The following MAPK10 variants were observed in gnomAD, a reference collection of about 807,000 sequenced individuals.
The protein encoded by MAPK10 is mitogen-activated protein kinase 10, also known as JNK3 alpha protein kinase.
Under a neutral mutation model 59.3 loss-of-function variants are expected in MAPK10, and 25 were observed. The observed-to-expected ratio is 0.42, with a 90% CI of 0.31 to 0.59. MAPK10 has a LOEUF of 0.59. MAPK10 is among the 20% of genes least tolerant of loss of function. The pLI is 0.15. For missense variants in MAPK10, 351 were observed against 568.9 expected (o/e 0.62, Z 3.90); for synonymous variants, 190 against 200.5 (o/e 0.95, Z 0.44).
intron 1 of MAPK10, among the ~76,000 whole-genome samples, chr4:86,558,346 T>C (rs147330566): frequency 9.2e-5 from 14 of 152,296 alleles, no homozygotes; most frequent in Admixed American, 2.6e-4. Flanking sequence ...GGCTTTGTAC[T>C]TAGTATGCTG....
At chr4:86,382,195 C>A (rs1018972936) in intron 1 of MAPK10, among the ~76,000 whole-genome samples, 2 of 151,988 alleles carry the variant, frequency 1.3e-5, no homozygotes, top group African/African-American at 4.8e-5. Flanking sequence ...TGAGATACAA[C>A]CACCTGCTGT....
At chr4:86,471,929 T>A (rs1752690346) in intron 1 of MAPK10, among the ~76,000 whole-genome samples, 1 of 152,144 alleles carries the variant, frequency 6.6e-6, no homozygotes, top group Non-Finnish European at 1.5e-5. Context: ...TTACAGTCAT[T>A]TGCTTTTTAA....
chr4:86,146,606 T>A, intron 4 of MAPK10, among the ~76,000 whole-genome samples: 1 of 152,182 alleles, frequency 6.6e-6, no homozygotes, highest in Non-Finnish European at 1.5e-5. Context: ...CCCACAGAAG[T>A]AGCTCCATGC....
chr4:86,088,468 T>A (rs1047811423), intron 9 of MAPK10, among the ~76,000 whole-genome samples: 1 of 152,126 alleles, frequency 6.6e-6, no homozygotes, highest in Admixed American at 6.6e-5. Flanking sequence ...GTTACAGGCA[T>A]GAGCTACCAC....
chr4:86,383,268 G>C (rs1238263602), intron 1 of MAPK10, among the ~76,000 whole-genome samples: 4 of 152,098 alleles, frequency 2.6e-5, no homozygotes, highest in Non-Finnish European at 4.4e-5. Flanking sequence ...AGACTATGCA[G>C]CCCACAAGCA....
rs1028799563 is a variant in MAPK10 at position 86,011,793 on chromosome 4, A to G, written c.*5435T>C. 10 of 152,316 alleles carry G rather than the reference A, an allele frequency of 6.6e-5. No homozygotes were observed. The highest frequency in any genetic ancestry group is 6.5e-5 in the Admixed American group (1 of 15,300). 9.4% of individuals were successfully genotyped at this position (152,316 alleles called of 1,614,324 possible). A position where few individuals can be genotyped will look rare whatever the true frequency, so the allele number is the denominator to read the frequency against. Reference sequence around the variant, plus strand: ...AACGATAAATGTGATAACTCAAAATAATGTGTATGTTTATCTTCCAGGCTT... The same window carrying G: ...AACGATAAATGTGATAACTCAAAATGATGTGTATGTTTATCTTCCAGGCTT... On this transcript the variant is annotated 3_prime_UTR_variant, in exon 14 of 14. Coordinates refer to ENST00000641462, the MANE Select transcript of MAPK10 (RefSeq NM_138982.4).
At chr4:86,315,362 C>A (rs1039615603) in intron 2 of MAPK10, among the ~76,000 whole-genome samples, 3 of 151,830 alleles carry the variant, frequency 2.0e-5, no homozygotes, top group African/African-American at 4.8e-5. Flanking sequence ...TGACTATAGT[C>A]AATAATAATT....
intron 11 of MAPK10, among the ~76,000 whole-genome samples, chr4:86,040,047 A>ACTGGAATAAGCC (rs1400589542): frequency 6.6e-6 from 1 of 152,196 alleles, no homozygotes; most frequent in Non-Finnish European, 1.5e-5. Context: ...GTCTGCAAAG[A>ACTGGAATAAGCC]CTGGAATAAG....
chr4:86,089,311 A>G (rs1470743674), intron 9 of MAPK10: 10 of 1,398,746 alleles, frequency 7.1e-6, no homozygotes, highest in Non-Finnish European at 1.0e-5. Context: ...ATAAACAAGA[A>G]CACAGGAATA....
intron 2 of MAPK10, among the ~76,000 whole-genome samples, chr4:86,303,395 T>C (rs893017116): frequency 6.6e-6 from 1 of 152,126 alleles, no homozygotes; most frequent in African/African-American, 2.4e-5. Context: ...TTATAAGTCA[T>C]GTGCTATATG....
At chr4:86,256,726 CTTTCTTTCTTTTTT>C (rs1201115910) in intron 2 of MAPK10, among the ~76,000 whole-genome samples, 10 of 99,252 alleles carry the variant, frequency 1.0e-4, no homozygotes, top group African/African-American at 3.4e-4. Flanking sequence ...TTTTTCTTTT[CTTTCTTTCTTTTTT>C]TTTTTTTTTT....
intron 11 of MAPK10, among the ~76,000 whole-genome samples, chr4:86,062,635 TTAA>T (rs1225794547): frequency 6.6e-6 from 1 of 152,142 alleles, no homozygotes; most frequent in Non-Finnish European, 1.5e-5. Context: ...GAGGCATAAG[TTAA>T]TATGCCTCAA....
intron 9 of MAPK10, 82 bp downstream of exon 9, chr4:86,098,442 T>C: frequency 6.3e-7 from 1 of 1,592,752 alleles, no homozygotes; most frequent in Non-Finnish European, 8.6e-7. Flanking sequence ...CTTCTATCTT[T>C]ACTCTCCTGG....
intron 1 of MAPK10, among the ~76,000 whole-genome samples, chr4:86,389,371 A>G (rs149082354): frequency 2.9e-3 from 437 of 152,314 alleles, no homozygotes; most frequent in Non-Finnish European, 4.2e-3. Flanking sequence ...CAGTGCAAAA[A>G]TGGATTAATA....
In MAPK10 at chr4:86,579,416, T is replaced by C. The variant is rs543680221; in HGVS notation, c.-263+14494A>G. Reference sequence around the variant, plus strand: ...AGTCTTGAACCTGCTGCCATGCACATTTACCTCATTCTTCCCAGTTCTCTA... The same window carrying C: ...AGTCTTGAACCTGCTGCCATGCACACTTACCTCATTCTTCCCAGTTCTCTA... On this transcript the variant is annotated intron_variant, in intron 1 of 4. Coordinates refer to the MAPK10 transcript ENST00000502302. Among the ~76,000 whole-genome samples, 8 of 152,240 alleles carry C rather than the reference T, an allele frequency of 5.3e-5. No homozygotes were observed. In the South Asian group the frequency reaches 1.7e-3, roughly 32 times the overall value.
chr4:86,487,072 T>G (rs1754050634), intron 1 of MAPK10, among the ~76,000 whole-genome samples: 1 of 152,192 alleles, frequency 6.6e-6, no homozygotes, highest in Non-Finnish European at 1.5e-5. Flanking sequence ...CTTCCAGATT[T>G]GGGTACTGAA....
chr4:86,121,540 G>C (rs1393683649), intron 4 of MAPK10, among the ~76,000 whole-genome samples: 2 of 152,156 alleles, frequency 1.3e-5, no homozygotes, highest in Middle Eastern at 3.4e-3. Context: ...TCAAATGACT[G>C]TTCTTCTAAA....
At chr4:86,399,142 AAT>A (rs1743356499) in intron 1 of MAPK10, among the ~76,000 whole-genome samples, 3 of 152,166 alleles carry the variant, frequency 2.0e-5, no homozygotes, top group Non-Finnish European at 4.4e-5. Flanking sequence ...TGCTGGGTTA[AAT>A]AGTAGTTCTG....
intron 1 of MAPK10, among the ~76,000 whole-genome samples, chr4:86,398,807 G>A (rs977190495): frequency 2.0e-5 from 3 of 152,062 alleles, no homozygotes; most frequent in Non-Finnish European, 1.5e-5. Flanking sequence ...CCATCTTTAT[G>A]TCTATAAGTA....
Sources: allele counts gnomAD v4.1 joint callset (sites outside exome capture counted in the v4.1 genomes callset), GRCh38; gene constraint gnomAD v4.1.1; transcripts MANE v1.5; gene names NCBI Gene and HGNC (gene_info 2026-07-23, HGNC 2026-07-21).